SLC40A1: variants seen among roughly 807,000 people sequenced by gnomAD.
SLC40A1 encodes the protein solute carrier family 40 member 1.
In SLC40A1, 16 loss-of-function variants were observed where a neutral mutation model predicts 53.5. The ratio of observed to expected loss-of-function variants is 0.30; its 90% CI spans 0.20 to 0.45. The LOEUF (loss-of-function observed/expected upper bound fraction) is 0.45, where lower values mean the gene tolerates loss of function less well. Ranked by LOEUF, SLC40A1 falls within the 20% of genes least tolerant of loss-of-function variation. The pLI is 1.00. For synonymous variants in SLC40A1, 247 were observed against 253.2 expected, an observed-to-expected ratio of 0.98 and a Z score of 0.23; for missense variants, 545 against 695.4, an observed-to-expected ratio of 0.78 and a Z score of 2.43.
intron 5 of SLC40A1, among the ~76,000 whole-genome samples, chr2:189,566,041 C>CGT (rs371020904): frequency 2.9e-4 from 43 of 150,100 alleles, no homozygotes; most frequent in Admixed American, 1.1e-3. Context: ...TGTGTGTGTG[C>CGT]GTGTGTGTGT....
At chr2:189,567,931 G>A (rs985381975) in intron 5 of SLC40A1, among the ~76,000 whole-genome samples, 5 of 151,884 alleles carry the variant, frequency 3.3e-5, no homozygotes, top group Admixed American at 6.6e-5. Flanking sequence ...CTCAATAATT[G>A]GAATCCAAAA....
Position 189,565,463 on chromosome 2 carries a change from G to A in SLC40A1, c.651C>T (p.Cys217=), listed in dbSNP as rs747172768. The change falls in exon 6 of 8, where the codon TGC becomes TGT. Residue 217 remains cysteine (C), a synonymous_variant. Transcript: ENST00000261024. The stretch of plus-strand genomic sequence containing the variant: ...CCTTCCAGAGCAGAACGTACTCCAC[G>A]CACATGGATACCAAGTTCCATCCCG... ...FISGWNLVSM[C]VEYVLLWKVY... 23 of 1,614,068 alleles carry A rather than the reference G, an allele frequency of 1.4e-5. No individual in the cohort carries two copies. The highest frequency in any genetic ancestry group is 4.5e-5 in the East Asian group (2 of 44,898).
Position 189,564,174 on chromosome 2 carries a change from G to A in SLC40A1, c.812C>T (p.Ser271Phe). The A allele has an allele frequency of 6.2e-7, 1 of 1,613,572 alleles. No individual in the cohort carries two copies. The highest frequency in any genetic ancestry group is 8.5e-7 in the Non-Finnish European group (1 of 1,179,784). ...CTCATGTTCAAGCTCATGGATGTTA[G>A]AGTCTTTCACACCCATTAGATGAGT... ...EGTHLMGVKD[S>F]NIHELEHEQE... Residue 271 changes from serine to phenylalanine, a missense_variant, in exon 7 of 8, where the codon TCT becomes TTT. By Grantham distance (155) the Ser-to-Phe change is radical. This residue lies in a region of SLC40A1 where 107 missense variants were observed against 91.0 expected (regional missense o/e 1.18). Transcript: ENST00000261024.
At chr2:189,566,225 C>T (rs568893659) in intron 5 of SLC40A1, among the ~76,000 whole-genome samples, 31 of 152,304 alleles carry the variant, frequency 2.0e-4, no homozygotes, top group African/African-American at 7.5e-4. Context: ...AAAAGAAACA[C>T]TAGCTTGGTC....
intron 2 of SLC40A1, among the ~76,000 whole-genome samples, chr2:189,575,785 T>C (rs557800373): frequency 6.6e-6 from 1 of 152,288 alleles, no homozygotes; most frequent in African/African-American, 2.4e-5. Context: ...GTTTTCCAAT[T>C]TGTAAAATGA....
intron 2 of SLC40A1, among the ~76,000 whole-genome samples, chr2:189,576,472 A>G (rs1355630297): frequency 6.6e-6 from 1 of 152,218 alleles, no homozygotes; most frequent in Non-Finnish European, 1.5e-5. Context: ...ATTTACAAAA[A>G]AACTTCCTGT....
intron 2 of SLC40A1, chr2:189,578,091 G>A (rs2031346465): frequency 1.8e-6 from 1 of 564,116 alleles, no homozygotes; most frequent in Non-Finnish European, 2.2e-6. Context: ...ACTTGGCAGG[G>A]TGGGACGGAA....
At chr2:189,578,518 A>G (rs1377417932) in intron 2 of SLC40A1, 1 of 234,166 alleles carries the variant, frequency 4.3e-6, no homozygotes, top group Middle Eastern at 4.8e-4. Context: ...CTTGGAAGAG[A>G]GGCATCTTCT....
At chr2:189,575,068 G>A in intron 3 of SLC40A1, 93 bp downstream of exon 3, 1 of 1,409,828 alleles carries the variant, frequency 7.1e-7, no homozygotes, top group East Asian at 2.3e-5. Flanking sequence ...TTCCCTGGTT[G>A]TTTCTCTCCT....
chr2:189,575,494 A>C (rs1392356677), intron 2 of SLC40A1, among the ~76,000 whole-genome samples, 174 bp from the exon 3 acceptor site: 1 of 152,252 alleles, frequency 6.6e-6, no homozygotes, highest in African/African-American at 2.4e-5. Flanking sequence ...TCATCCCAGC[A>C]CAATGGAAAA....
chr2:189,580,153 T>C (rs1221731578), intron 1 of SLC40A1, among the ~76,000 whole-genome samples: 1 of 101,576 alleles, frequency 9.8e-6, no homozygotes, highest in Admixed American at 1.2e-4. Context: ...CTTTTTTGGG[T>C]TGGTTGGTTT....
intron 2 of SLC40A1, chr2:189,578,330 T>C (rs1486218375): frequency 1.0e-6 from 1 of 1,001,712 alleles, no homozygotes; most frequent in African/African-American, 1.7e-5. Flanking sequence ...AACTTTCTCA[T>C]GAGAACTTCC....
At chr2:189,567,461 A>C (rs184199487) in intron 5 of SLC40A1, among the ~76,000 whole-genome samples, 1 of 152,314 alleles carries the variant, frequency 6.6e-6, no homozygotes, top group East Asian at 1.9e-4. Context: ...TGTACTCCAT[A>C]ATAAGCACAA....
rs2030908361 is a variant in SLC40A1 at position 189,565,460 on chromosome 2, C to T, written c.654G>A (p.Val218=). The change falls in exon 6 of 8, where the codon GTG becomes GTA. Residue 218 remains valine, a synonymous_variant. Coordinates refer to ENST00000261024, the MANE Select transcript of SLC40A1 (RefSeq NM_014585.6). The part of the protein sequence containing the change: ...ISGWNLVSMC[V]EYVLLWKVYQ... ...AAACCTTCCAGAGCAGAACGTACTC[C>T]ACGCACATGGATACCAAGTTCCATC... 6.2e-7 allele frequency: 1 copy of T among 1,614,106 alleles called. No homozygotes were observed. The highest frequency in any genetic ancestry group is 1.7e-5 in the Admixed American group (1 of 59,998).
At chr2:189,567,929 T>C (rs2030988615) in intron 5 of SLC40A1, among the ~76,000 whole-genome samples, 1 of 152,182 alleles carries the variant, frequency 6.6e-6, no homozygotes, top group African/African-American at 2.4e-5. Flanking sequence ...AACTCAATAA[T>C]TGGAATCCAA....
intron 5 of SLC40A1, 28 bp downstream of exon 5, chr2:189,571,687 A>G (rs769550126): frequency 6.2e-7 from 1 of 1,610,814 alleles, no homozygotes. Flanking sequence ...TAACATGCTC[A>G]TTTCATTAAA....
chr2:189,560,715 A>T lies in SLC40A1; in HGVS notation c.*1163T>A, dbSNP rs201137241. On this transcript the variant is annotated 3_prime_UTR_variant, in exon 8 of 8. Coordinates refer to ENST00000261024, the MANE Select transcript of SLC40A1 (RefSeq NM_014585.6). The stretch of plus-strand genomic sequence containing the variant: ...AACTCCAAGGATAAAGAAAGTGCTC[A>T]TAGCAACGTATTGCAGTCTCCATGA... 5 of 152,800 alleles carry T rather than the reference A, an allele frequency of 3.3e-5. No homozygotes were observed. The highest frequency in any genetic ancestry group is 1.2e-4 in the African/African-American group (5 of 41,586). The allele number at this position is 152,800 out of a possible 1,614,324, so 9.5% of individuals were successfully genotyped here. A position where few individuals can be genotyped will look rare whatever the true frequency, so the allele number is the denominator to read the frequency against.
chr2:189,573,058 C>A (rs2031181390), intron 3 of SLC40A1, 97 bp from the exon 4 acceptor site: 2 of 866,702 alleles, frequency 2.3e-6, no homozygotes, highest in East Asian at 5.0e-5. Flanking sequence ...TACATTAATA[C>A]ACAGACCTAA....
chr2:189,575,482 G>A (rs1400407647), intron 2 of SLC40A1, among the ~76,000 whole-genome samples, 162 bp from the exon 3 acceptor site: 1 of 152,108 alleles, frequency 6.6e-6, no homozygotes, highest in African/African-American at 2.4e-5. Flanking sequence ...ATGTTAAAAC[G>A]TTCATCCCAG....
Sources: allele counts gnomAD v4.1 joint callset (sites outside exome capture counted in the v4.1 genomes callset), GRCh38; gene constraint gnomAD v4.1.1; regional missense constraint gnomAD v4.1.1; transcripts MANE v1.5; gene names NCBI Gene and HGNC (gene_info 2026-07-23, HGNC 2026-07-21).